Variants in KIF13B observed in about 807,000 individuals in gnomAD.
KIF13B encodes the protein kinesin family member 13B, also known as kinesin-like protein KIF13B.
KIF13B carries 127 observed loss-of-function variants against 222.0 expected under a neutral mutation model. That is an observed-to-expected ratio of 0.57 (90% CI 0.50 to 0.66). KIF13B has a LOEUF of 0.66. KIF13B is among the 30% of genes least tolerant of loss of function. KIF13B has a pLI of 0.00. For synonymous variants in KIF13B, 976 were observed against 919.0 expected (o/e 1.06, Z -1.12); for missense variants, 2,173 against 2,379.0 (o/e 0.91, Z 1.80).
chr8:29,182,856 G>A (rs1812768812), intron 6 of KIF13B, among the ~76,000 whole-genome samples: 1 of 152,010 alleles, frequency 6.6e-6, no homozygotes. Flanking sequence ...CAAAATTGCT[G>A]AGAGTAGACA....
At position 29,071,137 on chromosome 8, in the gene KIF13B, G is replaced by A. The variant is rs1336831390; in HGVS notation, c.5219-371C>T. The stretch of plus-strand genomic sequence containing the variant: ...GCGGGAACAGACCCTTCTCCATCTG[G>A]ACCCAGGCCTGGGCTGGGTGGCGGG... On this transcript the variant is annotated intron_variant, in intron 39 of 39. Coordinates refer to ENST00000524189, the MANE Select transcript of KIF13B (RefSeq NM_015254.4). The surrounding 1 kb of genome is among the most constrained non-coding windows in gnomAD (Gnocchi z 4.9). Among the ~76,000 whole-genome samples the A allele has an allele frequency of 6.6e-6, 1 of 152,178 alleles. No homozygotes were observed. Among genetic ancestry groups the A allele is most frequent in the Non-Finnish European group, 1.5e-5 (1 of 68,002 alleles).
intron 2 of KIF13B, among the ~76,000 whole-genome samples, chr8:29,227,298 T>C (rs1280286789): frequency 6.6e-6 from 1 of 151,956 alleles, no homozygotes. Context: ...ACTTTATTTT[T>C]TATTTTTTGA....
chr8:29,127,129 G>A lies in KIF13B; in HGVS notation c.3215C>T (p.Thr1072Ile). The A allele has an allele frequency of 6.2e-7, 1 of 1,613,620 alleles. No homozygotes were observed. Among genetic ancestry groups the A allele is most frequent in the Admixed American group, 1.7e-5 (1 of 59,978 alleles). Residue 1072 changes from threonine to isoleucine, a missense_variant, in exon 25 of 40, where the codon ACC (threonine) becomes ATC (isoleucine). Physicochemically the swap from Thr to Ile is moderately conservative, Grantham distance 89. Coordinates refer to ENST00000524189, the MANE Select transcript of KIF13B (RefSeq NM_015254.4). ...ACAGGTATAGAAACTTACATGGAAG[G>A]TCTCATGTGTTCTGGGGGCTCTGAG... Reference protein sequence around the residue: ...RPLRAPRTHETFHEEEEDMDS... With the variant: ...RPLRAPRTHEIFHEEEEDMDS...
At chr8:29,217,110 G>A (rs1056194606) in intron 2 of KIF13B, among the ~76,000 whole-genome samples, 4 of 152,170 alleles carry the variant, frequency 2.6e-5, no homozygotes, top group African/African-American at 9.7e-5. Flanking sequence ...TAGAGGATAC[G>A]TGAACTATCA....
At chr8:29,175,917 C>A in intron 10 of KIF13B, 151 bp downstream of exon 10, 1 of 637,194 alleles carries the variant, frequency 1.6e-6, no homozygotes. Context: ...TTTATTCCAT[C>A]AAAAATGTCA....
chr8:29,118,697 G>A (rs1321155701), intron 30 of KIF13B, among the ~76,000 whole-genome samples, 171 bp downstream of exon 30: 1 of 152,208 alleles, frequency 6.6e-6, no homozygotes, highest in African/African-American at 2.4e-5. Flanking sequence ...GTGAATGGAT[G>A]TAATATGATG....
intron 12 of KIF13B, among the ~76,000 whole-genome samples, chr8:29,163,544 C>T (rs1361745010): frequency 1.3e-5 from 2 of 152,242 alleles, no homozygotes; most frequent in African/African-American, 4.8e-5. Flanking sequence ...CTCAAGTCAT[C>T]TTCCAGAAGA....
chr8:29,080,847 C>T (rs1807777585), intron 37 of KIF13B, among the ~76,000 whole-genome samples: 1 of 152,194 alleles, frequency 6.6e-6, no homozygotes, highest in Non-Finnish European at 1.5e-5. Context: ...GACTCAACAC[C>T]AGAAGGCAAC....
chr8:29,084,444 C>G (rs568486188), intron 37 of KIF13B, among the ~76,000 whole-genome samples: 5 of 152,238 alleles, frequency 3.3e-5, no homozygotes. Context: ...CAGAGATGGG[C>G]AGAGGGGTGC....
intron 2 of KIF13B, among the ~76,000 whole-genome samples, chr8:29,205,195 G>GTT (rs11407713): frequency 6.6e-6 from 1 of 151,604 alleles, no homozygotes; most frequent in Admixed American, 6.6e-5. Context: ...CACCAAAAAA[G>GTT]TTTTTTTAAA....
intron 2 of KIF13B, among the ~76,000 whole-genome samples, chr8:29,223,997 T>A (rs7824414): frequency 0.16 from 21,459 of 132,150 alleles, 1,597 homozygotes; most frequent in African/African-American, 0.17. Context: ...AGCCTACCAA[T>A]TTTTTTTTTC....
At chr8:29,104,739 C>CT (rs1808967935) in intron 35 of KIF13B, among the ~76,000 whole-genome samples, 5 of 151,780 alleles carry the variant, frequency 3.3e-5, no homozygotes, top group Admixed American at 3.3e-4. Context: ...TCTACTTTTT[C>CT]TTTTTTTTAT....
chr8:29,181,884 T>C, intron 7 of KIF13B, 35 bp downstream of exon 7: 1 of 1,509,358 alleles, frequency 6.6e-7, no homozygotes, highest in South Asian at 1.2e-5. Context: ...CCTACTACAC[T>C]AAATTTAAAT....
At chr8:29,201,655 T>C (rs1813698746) in intron 2 of KIF13B, among the ~76,000 whole-genome samples, 1 of 152,244 alleles carries the variant, frequency 6.6e-6, no homozygotes, top group Non-Finnish European at 1.5e-5. Context: ...TCTGAGTTGC[T>C]GAAATCTTCA....
chr8:29,110,082 A>T lies in KIF13B; in HGVS notation c.3931-12T>A. ...ACTCCCTGGGCATCCTGAGCAGTGG[A>T]AAGTTATACATTATAAAAGCTTCTT... On this transcript the variant is annotated splice_polypyrimidine_tract_variant and intron_variant, in intron 32 of 39. Transcript: ENST00000524189. 6.4e-7 allele frequency: 1 copy of T among 1,552,166 alleles called. No homozygotes were observed. The highest frequency in any genetic ancestry group is 8.7e-7 in the Non-Finnish European group (1 of 1,147,140).
intron 6 of KIF13B, among the ~76,000 whole-genome samples, chr8:29,184,589 T>G (rs1812851201): frequency 6.6e-6 from 1 of 152,194 alleles, no homozygotes; most frequent in Non-Finnish European, 1.5e-5. Flanking sequence ...AATCCGAAGC[T>G]CTTCAGAATT....
At chr8:29,072,711 A>G (rs1807357880) in intron 38 of KIF13B, among the ~76,000 whole-genome samples, 1 of 151,988 alleles carries the variant, frequency 6.6e-6, no homozygotes, top group African/African-American at 2.4e-5. Flanking sequence ...CCCCTGCCCC[A>G]TCTACTTTTT....
At chr8:29,126,870 A>G (rs1339554618) in intron 25 of KIF13B, among the ~76,000 whole-genome samples, 1 of 152,142 alleles carries the variant, frequency 6.6e-6, no homozygotes, top group Non-Finnish European at 1.5e-5. Context: ...GTTAATCACT[A>G]GCAGGCACTG....
chr8:29,242,178 T>A (rs1184877743), intron 2 of KIF13B, among the ~76,000 whole-genome samples: 1 of 152,048 alleles, frequency 6.6e-6, no homozygotes, highest in Admixed American at 6.6e-5. Context: ...AGATAAAACT[T>A]AGCTTAAGAA....
Sources: allele counts gnomAD v4.1 joint callset (sites outside exome capture counted in the v4.1 genomes callset), GRCh38; gene constraint gnomAD v4.1.1; non-coding constraint Gnocchi (gnomAD v3.1); transcripts MANE v1.5; gene names NCBI Gene and HGNC (gene_info 2026-07-23, HGNC 2026-07-21).